Variants in COL5A2 observed in about 807,000 individuals in gnomAD.
COL5A2 encodes collagen type V alpha 2 chain.
COL5A2 carries 23 observed loss-of-function variants against 208.2 expected under a neutral mutation model. The observed-to-expected ratio is 0.11, with a 90% confidence interval of 0.08 to 0.16. COL5A2 has a LOEUF of 0.16. COL5A2 is among the 10% of genes least tolerant of loss of function. The pLI, the probability that COL5A2 is intolerant of heterozygous loss-of-function variation, is 1.00. For synonymous variants in COL5A2, 625 were observed against 628.5 expected, an observed-to-expected ratio of 0.99 and a Z score of 0.08; for missense variants, 1,590 against 1,956.4, an observed-to-expected ratio of 0.81 and a Z score of 3.53.
intron 2 of COL5A2, among the ~76,000 whole-genome samples, chr2:189,108,966 T>G (rs1430985289): frequency 1.4e-5 from 1 of 72,816 alleles, no homozygotes; most frequent in Non-Finnish European, 3.0e-5. Context: ...ATTACTTTAT[T>G]AAGTTTTTTT....
rs189057878 is a variant in COL5A2, at chr2:189,046,942, T to C, written c.3202-1035A>G. Among the ~76,000 whole-genome samples, 1,103 of 151,946 alleles carry C rather than the reference T, an allele frequency of 7.3e-3. 12 individuals are homozygous for C. Among genetic ancestry groups the C allele is most frequent in the African/African-American group, 0.025 (1,016 of 41,410 alleles). On this transcript the variant is annotated intron_variant, in intron 45 of 53. Transcript: ENST00000374866. ...ATCGAGACCATCCTGGCCAACGTGG[T>C]GAAACCCAGTCTCTATTAAAAATAC...
intron 1 of COL5A2, among the ~76,000 whole-genome samples, chr2:189,210,640 T>A (rs923500345): frequency 6.6e-6 from 1 of 152,244 alleles, no homozygotes; most frequent in Non-Finnish European, 1.5e-5. Flanking sequence ...TCTTTAATGT[T>A]TAACTTAATA....
At chr2:189,130,417 T>C (rs1039610494) in intron 1 of COL5A2, among the ~76,000 whole-genome samples, 2 of 152,060 alleles carry the variant, frequency 1.3e-5, no homozygotes, top group Non-Finnish European at 2.9e-5. Context: ...GTGCTCAATT[T>C]AAAAGGGCAT....
At chr2:189,318,157 T>C in the COL5A2 span, among the ~76,000 whole-genome samples, 1 of 152,242 alleles carries the variant, frequency 6.6e-6, no homozygotes, top group African/African-American at 2.4e-5. Context: ...CAAACACTGA[T>C]ATGAGTGGTC....
chr2:189,140,813 C>T lies in COL5A2; in HGVS notation c.98-30364G>A, dbSNP rs532496052. ...GAGTAAGTAATATATTTTTCTAAGG[C>T]TCAGTTCTTCCAAATTAAAAATTAG... On this transcript the variant is annotated intron_variant, in intron 1 of 53. Transcript: ENST00000374866. Among the ~76,000 whole-genome samples the T allele has an allele frequency of 1.1e-4, 17 of 152,200 alleles. No homozygotes were observed. In the East Asian group the frequency reaches 3.3e-3, roughly 29 times the overall value.
At chr2:189,065,160 T>C (rs1429343876) in intron 23 of COL5A2, 103 bp from the exon 24 acceptor site, 10 of 1,060,474 alleles carry the variant, frequency 9.4e-6, no homozygotes, top group Non-Finnish European at 1.1e-5. Flanking sequence ...TTAGGAGCCA[T>C]CATCAAGCCA....
At chr2:189,104,542 A>G (rs1324142204) in intron 2 of COL5A2, among the ~76,000 whole-genome samples, 5 of 151,982 alleles carry the variant, frequency 3.3e-5, no homozygotes, top group Non-Finnish European at 7.4e-5. Context: ...AAATTATTAA[A>G]TTAGCTATTA....
At chr2:189,062,302 G>C (rs1379956589) in intron 29 of COL5A2, among the ~76,000 whole-genome samples, 1 of 151,402 alleles carries the variant, frequency 6.6e-6, no homozygotes. Context: ...TCCTACCTCA[G>C]CCTCCTGAAT....
chr2:189,104,995 A>G (rs766553376), intron 2 of COL5A2, among the ~76,000 whole-genome samples: 4 of 151,660 alleles, frequency 2.6e-5, no homozygotes, highest in Admixed American at 6.6e-5. Context: ...CCCATTAGGG[A>G]CATTTGGATT....
the COL5A2 span, among the ~76,000 whole-genome samples, chr2:189,377,881 A>C: frequency 2.0e-5 from 3 of 152,202 alleles, no homozygotes; most frequent in East Asian, 5.8e-4. Context: ...TTATTGAATA[A>C]TTTGTATTGA....
At chr2:189,344,072 TATAAC>T in the COL5A2 span, among the ~76,000 whole-genome samples, 2 of 152,328 alleles carry the variant, frequency 1.3e-5, no homozygotes, top group East Asian at 1.9e-4. Flanking sequence ...AGACACAACA[TATAAC>T]ATAATAAATG....
chr2:189,218,749 T>C (rs913309281), intron 1 of COL5A2, among the ~76,000 whole-genome samples: 2 of 152,198 alleles, frequency 1.3e-5, no homozygotes, highest in African/African-American at 2.4e-5. Flanking sequence ...ACAATTGAAT[T>C]GGAACATTAG....
At chr2:189,167,809 T>G (rs1688495946) in intron 1 of COL5A2, among the ~76,000 whole-genome samples, 1 of 152,168 alleles carries the variant, frequency 6.6e-6, no homozygotes, top group East Asian at 1.9e-4. Context: ...ATGACTATCA[T>G]AGTTTCACAA....
chr2:189,356,422 T>C, the COL5A2 span, among the ~76,000 whole-genome samples: 2 of 152,338 alleles, frequency 1.3e-5, no homozygotes, highest in African/African-American at 2.4e-5. Flanking sequence ...TCTTGGAGGC[T>C]TTGTTTGTTT....
At chr2:189,097,428 A>G (rs749892829) in intron 5 of COL5A2, 98 bp from the exon 6 acceptor site, 4 of 1,214,124 alleles carry the variant, frequency 3.3e-6, no homozygotes, top group East Asian at 2.4e-5. Context: ...AAACAGAAAT[A>G]CCACACTTAA....
At chr2:189,419,983 G>A in the COL5A2 span, among the ~76,000 whole-genome samples, 1 of 144,400 alleles carries the variant, frequency 6.9e-6, no homozygotes, top group Admixed American at 7.0e-5. Context: ...AGAGGAGGAA[G>A]AGGAGGAGGA....
chr2:189,181,233 G>A (rs1184791654), upstream of COL5A2, among the ~76,000 whole-genome samples: 1 of 152,076 alleles, frequency 6.6e-6, no homozygotes, highest in African/African-American at 2.4e-5. Context: ...ACTAGACTCT[G>A]GATAAATATT....
chr2:189,143,697 T>C (rs1272671620), intron 1 of COL5A2, among the ~76,000 whole-genome samples: 1 of 152,150 alleles, frequency 6.6e-6, no homozygotes, highest in Non-Finnish European at 1.5e-5. Context: ...TAAACAAATA[T>C]ATACCTTGCT....
At chr2:189,365,822 C>G in the COL5A2 span, among the ~76,000 whole-genome samples, 15 of 152,202 alleles carry the variant, frequency 9.9e-5, no homozygotes, top group Admixed American at 9.8e-4. Flanking sequence ...TGTTACACAG[C>G]TTGGCTGTAG....
Sources: gnomAD v4.1 joint callset for allele counts (sites outside exome capture counted in the v4.1 genomes callset) on GRCh38, gnomAD v4.1.1 for gene constraint, MANE v1.5 for transcripts, NCBI Gene and HGNC (gene_info 2026-07-23, HGNC 2026-07-21) for gene names.